Variants in LHFPL6 observed in about 807,000 individuals in gnomAD.
LHFPL6 encodes LHFPL tetraspan subfamily member 6, also known as LHFPL tetraspan subfamily member 6 protein.
A neutral mutation model predicts 20.6 loss-of-function variants in LHFPL6; 9 were observed. That is an observed-to-expected ratio of 0.44 (90% CI 0.26 to 0.76). The LOEUF is 0.76. Ranked by LOEUF, LHFPL6 falls within the 30% of genes least tolerant of loss-of-function variation. LHFPL6 has a pLI of 0.20. For synonymous variants in LHFPL6, 105 were observed against 98.7 expected, an observed-to-expected ratio of 1.06 and a Z score of -0.38; for missense variants, 218 against 253.5, an observed-to-expected ratio of 0.86 and a Z score of 0.95.
chr13:39,430,178 T>A (rs1466952739), intron 2 of LHFPL6, among the ~76,000 whole-genome samples: 1 of 152,210 alleles, frequency 6.6e-6, no homozygotes, highest in Non-Finnish European at 1.5e-5. Context: ...ACTGAACCAC[T>A]CATTACCCCC....
chr13:39,507,142 A>G lies in LHFPL6; in HGVS notation c.385+93690T>C, dbSNP rs529865110. On this transcript the variant is annotated intron_variant, in intron 2 of 3. Transcript: ENST00000379589. Reference sequence around the variant, plus strand: ...AAGGTATGCCTTTTGTTTAAAAATAACATGATGCGTAATGTGTGCAATGCA... The same window carrying G: ...AAGGTATGCCTTTTGTTTAAAAATAGCATGATGCGTAATGTGTGCAATGCA... Among the ~76,000 whole-genome samples the G allele has an allele frequency of 2.0e-5, 3 of 152,346 alleles. No homozygotes were observed. In the South Asian group the frequency reaches 6.2e-4, roughly 32 times the overall value.
At chr13:39,486,358 T>C (rs527954117) in intron 2 of LHFPL6, among the ~76,000 whole-genome samples, 2 of 152,318 alleles carry the variant, frequency 1.3e-5, no homozygotes, top group South Asian at 4.1e-4. Context: ...TGTGGAGAGA[T>C]AGTAATGTTT....
intron 2 of LHFPL6, among the ~76,000 whole-genome samples, chr13:39,380,046 C>G (rs76189533): frequency 1.3e-5 from 2 of 152,180 alleles, no homozygotes; most frequent in Non-Finnish European, 2.9e-5. Context: ...GGCTTTTCCC[C>G]TTGGGATAGA....
rs763910245 is a variant in LHFPL6 at position 39,369,597 on chromosome 13, T to TCCTTCCTTCCTTCCTTCCTC, written c.484+8830_484+8831insGAGGAAGGAAGGAAGGAAGG. 4.5e-4 allele frequency among the ~76,000 whole-genome samples: 39 copies of TCCTTCCTTCCTTCCTTCCTC among 87,436 alleles called. 1 individual carries two copies. The South Asian group carries it at 7.6e-3, about 17-fold the overall frequency. The allele number at this position is 87,436 out of a possible 152,430, so 57.4% of individuals were successfully genotyped here. On this transcript the variant is annotated intron_variant, in intron 3 of 3. Transcript: ENST00000379589. ...TTCCTTCCTTCCTTCCTTCCTTCCT[T>TCCTTCCTTCCTTCCTTCCTC]CCTCCCTCTCTCCCTCCCTTCCTTC...
chr13:39,446,721 G>A (rs185005918), intron 2 of LHFPL6, among the ~76,000 whole-genome samples: 3 of 152,226 alleles, frequency 2.0e-5, no homozygotes, highest in East Asian at 1.9e-4. Flanking sequence ...TGGCAAAGCC[G>A]GTATTTTCAT....
At chr13:39,374,883 T>C (rs892037791) in intron 3 of LHFPL6, among the ~76,000 whole-genome samples, 5 of 152,224 alleles carry the variant, frequency 3.3e-5, no homozygotes, top group Non-Finnish European at 7.3e-5. Flanking sequence ...ACCTAGCCCA[T>C]GGGCTGGCTC....
intron 3 of LHFPL6, among the ~76,000 whole-genome samples, chr13:39,377,897 C>A (rs750090670): frequency 4.6e-5 from 7 of 152,176 alleles, no homozygotes; most frequent in African/African-American, 7.2e-5. Context: ...TTTCCTTGTG[C>A]CTTTGCTATA....
chr13:39,470,095 T>A (rs971763353), intron 2 of LHFPL6, among the ~76,000 whole-genome samples: 1 of 152,146 alleles, frequency 6.6e-6, no homozygotes, highest in Non-Finnish European at 1.5e-5. Flanking sequence ...TCCACTCGCT[T>A]AAAAAATATA....
intron 2 of LHFPL6, among the ~76,000 whole-genome samples, chr13:39,425,640 C>A (rs1392729214): frequency 1.3e-5 from 2 of 152,136 alleles, no homozygotes; most frequent in Non-Finnish European, 2.9e-5. Flanking sequence ...TGATGTGGAG[C>A]ATCTTATATG....
At chr13:39,355,550 G>A (rs1869703410) in intron 3 of LHFPL6, among the ~76,000 whole-genome samples, 2 of 152,318 alleles carry the variant, frequency 1.3e-5, no homozygotes, top group South Asian at 4.2e-4. Context: ...AACCTTGAAT[G>A]TAAATGGTAC....
intron 2 of LHFPL6, among the ~76,000 whole-genome samples, chr13:39,469,176 T>G (rs964271285): frequency 3.9e-5 from 6 of 152,132 alleles, no homozygotes; most frequent in Admixed American, 1.3e-4. Flanking sequence ...GGCCTCCCAG[T>G]AGGTTATTTT....
chr13:39,431,183 A>C (rs1328165647), intron 2 of LHFPL6, among the ~76,000 whole-genome samples: 1 of 104,732 alleles, frequency 9.5e-6, no homozygotes, highest in Admixed American at 9.0e-5. Context: ...AACTCTGGAC[A>C]CATCTGAACA....
intron 2 of LHFPL6, among the ~76,000 whole-genome samples, chr13:39,534,790 C>T (rs1457173137): frequency 6.6e-6 from 1 of 152,138 alleles, no homozygotes; most frequent in Admixed American, 6.5e-5. Context: ...TACCAATTTA[C>T]ATAAATTGAA....
intron 2 of LHFPL6, among the ~76,000 whole-genome samples, chr13:39,494,905 C>T (rs115969078): frequency 0.016 from 2,507 of 152,262 alleles, 64 homozygotes; most frequent in African/African-American, 0.058. Flanking sequence ...TAACAGATTG[C>T]TTATACTACC....
At chr13:39,387,288 C>T (rs147994634) in intron 2 of LHFPL6, among the ~76,000 whole-genome samples, 120 of 152,248 alleles carry the variant, frequency 7.9e-4, no homozygotes, top group Admixed American at 1.8e-3. Context: ...GTGGCTCACG[C>T]CTGTAATCCC....
chr13:39,551,688 T>C (rs935608997), intron 2 of LHFPL6, among the ~76,000 whole-genome samples: 3 of 152,190 alleles, frequency 2.0e-5, no homozygotes. Context: ...TAGAGAAGAA[T>C]TGATTTTAAC....
At chr13:39,404,218 A>T (rs1258054191) in intron 2 of LHFPL6, among the ~76,000 whole-genome samples, 1 of 152,160 alleles carries the variant, frequency 6.6e-6, no homozygotes, top group Non-Finnish European at 1.5e-5. Context: ...CACCTATAAT[A>T]CTTTAAACTT....
At chr13:39,493,194 C>A (rs1263473184) in intron 2 of LHFPL6, among the ~76,000 whole-genome samples, 2 of 150,502 alleles carry the variant, frequency 1.3e-5, no homozygotes, top group African/African-American at 4.9e-5. Flanking sequence ...ATAGGCCAGG[C>A]ACAGTGGCTC....
chr13:39,557,782 C>T (rs766567507), intron 2 of LHFPL6, among the ~76,000 whole-genome samples: 3 of 152,230 alleles, frequency 2.0e-5, no homozygotes, highest in African/African-American at 7.2e-5. Flanking sequence ...AGTAATCTCT[C>T]TGACAGGTGT....
Sources: allele counts gnomAD v4.1 joint callset (sites outside exome capture counted in the v4.1 genomes callset), GRCh38; gene constraint gnomAD v4.1.1; transcripts MANE v1.5; gene names NCBI Gene and HGNC (gene_info 2026-07-23, HGNC 2026-07-21).